CCDC73: variants seen among roughly 807,000 people sequenced by gnomAD.
The protein encoded by CCDC73 is coiled-coil domain-containing protein 73.
A neutral mutation model predicts 116.5 loss-of-function variants in CCDC73; 95 were observed. The observed-to-expected ratio is 0.82, with a 90% confidence interval of 0.69 to 0.97. The LOEUF (loss-of-function observed/expected upper bound fraction) is 0.97. Ranked by LOEUF, CCDC73 falls within the 50% of genes least tolerant of loss-of-function variation. The pLI, the probability that CCDC73 is intolerant of heterozygous loss-of-function variation, is 0.00. For synonymous variants in CCDC73, 398 were observed against 401.3 expected, an observed-to-expected ratio of 0.99 and a Z score of 0.10; for missense variants, 1,066 against 1,206.8, an observed-to-expected ratio of 0.88 and a Z score of 1.73.
At chr11:32,631,605 AGGAAG>A (rs1260792209) in intron 14 of CCDC73, among the ~76,000 whole-genome samples, 16 of 126,342 alleles carry the variant, frequency 1.3e-4, no homozygotes, top group Middle Eastern at 3.8e-3. Context: ...AAGGAAGGAA[AGGAAG>A]GGAAGGGAAG....
intron 14 of CCDC73, among the ~76,000 whole-genome samples, chr11:32,633,930 TAGG>T (rs1369873818): frequency 6.6e-6 from 1 of 152,150 alleles, no homozygotes; most frequent in African/African-American, 2.4e-5. Flanking sequence ...CCAACTTTGC[TAGG>T]AGGTCTTTCT....
At chr11:32,806,529 C>T in the CCDC73 span, among the ~76,000 whole-genome samples, 1 of 150,692 alleles carries the variant, frequency 6.6e-6, no homozygotes, top group Non-Finnish European at 1.5e-5. Context: ...GAGGCTGAGG[C>T]GGGAGGATTG....
intron 14 of CCDC73, among the ~76,000 whole-genome samples, chr11:32,629,934 A>AAAAAAAAAAAAAAAAAAT (rs1855615725): frequency 6.8e-6 from 1 of 147,402 alleles, no homozygotes; most frequent in African/African-American, 2.6e-5. Context: ...AAAAAAAAAA[A>AAAAAAAAAAAAAAAAAAT]CAAAAAAAAA....
At chr11:32,815,935 A>G in the CCDC73 span, among the ~76,000 whole-genome samples, 1 of 152,154 alleles carries the variant, frequency 6.6e-6, no homozygotes, top group Non-Finnish European at 1.5e-5. Context: ...GGGGTAAGGA[A>G]TGGGTATAAA....
intron 14 of CCDC73, among the ~76,000 whole-genome samples, chr11:32,617,874 CT>C (rs1855488880): frequency 1.3e-5 from 2 of 152,260 alleles, no homozygotes; most frequent in African/African-American, 4.8e-5. Context: ...TTACTTTTGT[CT>C]TTTAAATAAT....
intron 2 of CCDC73, among the ~76,000 whole-genome samples, chr11:32,747,864 G>A (rs747419320): frequency 4.6e-5 from 7 of 152,196 alleles, no homozygotes; most frequent in Non-Finnish European, 1.0e-4. Flanking sequence ...ATCTTCCCTT[G>A]GCTAGGAAAG....
chr11:32,742,009 T>C (rs2133357767), intron 2 of CCDC73, among the ~76,000 whole-genome samples: 1 of 152,306 alleles, frequency 6.6e-6, no homozygotes, highest in African/African-American at 2.4e-5. Context: ...TATGGCTGCA[T>C]AGTATTCCAT....
intron 1 of CCDC73, among the ~76,000 whole-genome samples, chr11:32,781,335 A>G (rs574378000): frequency 5.0e-4 from 76 of 152,360 alleles, no homozygotes; most frequent in African/African-American, 1.8e-3. Context: ...GGTATCTAAG[A>G]CAAAAACAAT....
At chr11:32,757,338 T>C (rs1850353140) in intron 2 of CCDC73, among the ~76,000 whole-genome samples, 1 of 151,806 alleles carries the variant, frequency 6.6e-6, no homozygotes, top group African/African-American at 2.4e-5. Context: ...AAAGAAAAAA[T>C]AAACAAATAT....
intron 2 of CCDC73, among the ~76,000 whole-genome samples, chr11:32,719,598 G>A (rs1158500379): frequency 6.6e-6 from 1 of 152,142 alleles, no homozygotes; most frequent in Non-Finnish European, 1.5e-5. Flanking sequence ...TAAAAGCAAA[G>A]TGTAGCCCAT....
Position 32,778,242 on chromosome 11 carries a change from T to C in CCDC73, c.-16+16371A>G, listed in dbSNP as rs141882328. On this transcript the variant is annotated intron_variant, in intron 1 of 17. Transcript: ENST00000335185. ...TTCTCTGATCTACTGAGTCAGAAAA[T>C]GGGGTTAAGGCCCAGCAATCCTGTG... Among the ~76,000 whole-genome samples the C allele has an allele frequency of 3.5e-3, 538 of 152,236 alleles. 6 individuals are homozygous for C. Among genetic ancestry groups the C allele is most frequent in the African/African-American group, 0.012 (519 of 41,556 alleles).
rs1856232831 is a variant in CCDC73 at position 32,689,307 on chromosome 11, A to G, written c.391-5733T>C. On this transcript the variant is annotated intron_variant, in intron 6 of 17. Transcript: ENST00000335185. ...TGAAACCCTTGAGGCTCAGAACAGA[A>G]GCAAATGCAAAAGAGCTCTGTAGGA... Among the ~76,000 whole-genome samples the G allele has an allele frequency of 3.3e-5, 5 of 152,182 alleles. 1 individual carries two copies. Among genetic ancestry groups the G allele is most frequent in the African/African-American group, 1.2e-4 (5 of 41,458 alleles).
intron 1 of CCDC73, among the ~76,000 whole-genome samples, chr11:32,769,620 A>T (rs2133385692): frequency 6.6e-6 from 1 of 152,292 alleles, no homozygotes; most frequent in East Asian, 1.9e-4. Context: ...ATGTAGGAAG[A>T]CACAAAAGGA....
the CCDC73 span, among the ~76,000 whole-genome samples, chr11:32,826,646 CAA>C: frequency 1.6e-5 from 1 of 63,508 alleles, no homozygotes; most frequent in African/African-American, 6.0e-5. Flanking sequence ...GATAATAACT[CAA>C]AAAAAAAAAA....
chr11:32,642,151 G>A, intron 12 of CCDC73, 69 bp from the exon 13 acceptor site: 1 of 1,367,072 alleles, frequency 7.3e-7, no homozygotes, highest in Non-Finnish European at 9.5e-7. Context: ...GTTTTATGTT[G>A]CTTGGACCTT....
At chr11:32,720,680 A>G (rs1849982845) in intron 2 of CCDC73, among the ~76,000 whole-genome samples, 2 of 152,196 alleles carry the variant, frequency 1.3e-5, no homozygotes, top group African/African-American at 4.8e-5. Flanking sequence ...CACAGGATAC[A>G]AGATTAACAC....
chr11:32,817,801 A>G, the CCDC73 span, among the ~76,000 whole-genome samples: 1 of 152,234 alleles, frequency 6.6e-6, no homozygotes, highest in Non-Finnish European at 1.5e-5. Context: ...TCATACAGTC[A>G]TGCTTTCCAA....
intron 1 of CCDC73, among the ~76,000 whole-genome samples, chr11:32,767,226 G>T (rs1850450633): frequency 6.6e-6 from 1 of 152,076 alleles, no homozygotes; most frequent in African/African-American, 2.4e-5. Flanking sequence ...GGGAAAAGGA[G>T]TCCCTATTTA....
At chr11:32,820,743 T>G in the CCDC73 span, among the ~76,000 whole-genome samples, 1 of 152,196 alleles carries the variant, frequency 6.6e-6, no homozygotes, top group Non-Finnish European at 1.5e-5. Flanking sequence ...GAATGTGTCA[T>G]TATTTTTTTC....
Sources: allele counts gnomAD v4.1 joint callset (sites outside exome capture counted in the v4.1 genomes callset), GRCh38; gene constraint gnomAD v4.1.1; transcripts MANE v1.5; gene names NCBI Gene and HGNC (gene_info 2026-07-23, HGNC 2026-07-21).